OSBPL10: variants seen among roughly 807,000 people sequenced by gnomAD.
The protein encoded by OSBPL10 is oxysterol-binding protein-related protein 10.
A neutral mutation model predicts 81.7 loss-of-function variants in OSBPL10; 49 were observed. The ratio of observed to expected loss-of-function variants is 0.60; its 90% CI spans 0.48 to 0.76. OSBPL10 has a LOEUF of 0.76. Ranked by LOEUF, OSBPL10 falls within the 30% of genes least tolerant of loss-of-function variation. The probability of loss-of-function intolerance (pLI) is 0.00; values close to 1 mark genes in which losing one functional copy is unlikely to be tolerated. For synonymous variants in OSBPL10, 419 were observed against 383.6 expected (o/e 1.09, Z -1.08); for missense variants, 923 against 987.8 (o/e 0.93, Z 0.88).
chr3:31,946,911 C>A (rs1393549724), intron 1 of OSBPL10, among the ~76,000 whole-genome samples: 6 of 152,122 alleles, frequency 3.9e-5, no homozygotes, highest in Non-Finnish European at 5.9e-5. Context: ...GGAGTCCAGA[C>A]CAGATGCAAG....
intron 4 of OSBPL10, among the ~76,000 whole-genome samples, chr3:31,825,406 C>G (rs1249999063): frequency 1.3e-5 from 2 of 152,096 alleles, no homozygotes; most frequent in Admixed American, 1.3e-4. Flanking sequence ...ATTGCAACTT[C>G]AAACACCTGG....
At chr3:31,780,242 G>A (rs904615067) in intron 4 of OSBPL10, among the ~76,000 whole-genome samples, 5 of 152,052 alleles carry the variant, frequency 3.3e-5, no homozygotes, top group African/African-American at 9.7e-5. Flanking sequence ...GCAGTGAGCC[G>A]AGATCACGCC....
chr3:31,756,994 G>C (rs142430917), intron 4 of OSBPL10, among the ~76,000 whole-genome samples: 23 of 152,308 alleles, frequency 1.5e-4, no homozygotes, highest in African/African-American at 5.3e-4. Flanking sequence ...GTAGCAAGGA[G>C]ATGCTGTAAC....
At chr3:31,708,659 C>T in intron 6 of OSBPL10, 1 of 911,110 alleles carries the variant, frequency 1.1e-6, no homozygotes, top group Non-Finnish European at 1.3e-6. Flanking sequence ...CCTGAGGACA[C>T]AGAGATAGAA....
intron 5 of OSBPL10, among the ~76,000 whole-genome samples, chr3:31,735,465 C>G (rs1697123226): frequency 6.6e-6 from 1 of 152,150 alleles, no homozygotes. Flanking sequence ...ATAAAGGTCC[C>G]AAGTGGCTTA....
chr3:31,772,528 C>G (rs1698411730), intron 4 of OSBPL10, among the ~76,000 whole-genome samples: 1 of 152,194 alleles, frequency 6.6e-6, no homozygotes, highest in Non-Finnish European at 1.5e-5. Context: ...AGCCGTTTGC[C>G]TGAGGCCACA....
At chr3:31,894,925 T>A (rs767112899) in intron 1 of OSBPL10, among the ~76,000 whole-genome samples, 1 of 152,178 alleles carries the variant, frequency 6.6e-6, no homozygotes, top group Non-Finnish European at 1.5e-5. Flanking sequence ...TGCTGTCGTA[T>A]TACCTTCCCT....
At chr3:31,832,519 A>C (rs1288928337) in intron 3 of OSBPL10, among the ~76,000 whole-genome samples, 1 of 152,214 alleles carries the variant, frequency 6.6e-6, no homozygotes, top group Non-Finnish European at 1.5e-5. Flanking sequence ...TGCCTAGGAA[A>C]ATATCTACTG....
chr3:32,069,599 T>C (rs1699810775), intron 1 of OSBPL10, among the ~76,000 whole-genome samples: 2 of 152,220 alleles, frequency 1.3e-5, no homozygotes, highest in Admixed American at 6.5e-5. Context: ...ATTCTTAACA[T>C]GCATTTTATC....
chr3:31,871,707 C>CA (rs1166627108), intron 3 of OSBPL10, among the ~76,000 whole-genome samples: 3 of 152,176 alleles, frequency 2.0e-5, no homozygotes, highest in South Asian at 2.1e-4. Flanking sequence ...CCTGTTTCTA[C>CA]AAAAAATTAG....
intron 3 of OSBPL10, among the ~76,000 whole-genome samples, chr3:31,847,649 TGA>T (rs1022811019): frequency 6.6e-6 from 1 of 152,032 alleles, no homozygotes; most frequent in Non-Finnish European, 1.5e-5. Context: ...CACTCAACAC[TGA>T]GAGAGAGAAT....
intron 7 of OSBPL10, among the ~76,000 whole-genome samples, chr3:31,690,252 A>G (rs942607050): frequency 1.3e-5 from 2 of 151,864 alleles, no homozygotes; most frequent in African/African-American, 4.8e-5. Context: ...AAAAGTATAT[A>G]ACACCTCCCC....
intron 4 of OSBPL10, among the ~76,000 whole-genome samples, chr3:31,775,943 G>C (rs2125758431): frequency 6.6e-6 from 1 of 152,228 alleles, no homozygotes; most frequent in South Asian, 2.1e-4. Context: ...GATGCAATAT[G>C]AATTCCAAGG....
At chr3:31,914,317 A>T (rs11924761) in intron 1 of OSBPL10, among the ~76,000 whole-genome samples, 56,838 of 151,724 alleles carry the variant, frequency 0.37, 10,644 homozygotes, top group African/African-American at 0.42. Flanking sequence ...TGAATAAAAG[A>T]GTGCTATCGC....
chr3:31,822,432 T>C (rs913349387), intron 4 of OSBPL10, among the ~76,000 whole-genome samples: 6 of 152,224 alleles, frequency 3.9e-5, no homozygotes, highest in African/African-American at 1.4e-4. Flanking sequence ...GTGTTGTTTT[T>C]TAAGTCTCAA....
At chr3:32,012,623 C>T (rs1699272620) in intron 2 of OSBPL10, among the ~76,000 whole-genome samples, 1 of 152,160 alleles carries the variant, frequency 6.6e-6, no homozygotes, top group African/African-American at 2.4e-5. Context: ...GGGCTAAATG[C>T]TCCAATTAAA....
intron 4 of OSBPL10, among the ~76,000 whole-genome samples, chr3:31,764,635 C>T (rs1698145628): frequency 6.6e-6 from 1 of 152,194 alleles, no homozygotes; most frequent in African/African-American, 2.4e-5. Flanking sequence ...TACTTTCACT[C>T]AAGGAATAAA....
chr3:31,830,335 CT>C (rs1281231170), intron 3 of OSBPL10, 104 bp from the exon 4 acceptor site: 1 of 1,176,140 alleles, frequency 8.5e-7, no homozygotes, highest in Non-Finnish European at 1.2e-6. Context: ...CCCTTCCTCT[CT>C]TTAGGGAGCT....
chr3:31,669,935 G>A (rs1045742292), intron 9 of OSBPL10, among the ~76,000 whole-genome samples: 3 of 152,210 alleles, frequency 2.0e-5, no homozygotes, highest in African/African-American at 7.2e-5. Context: ...ATTGCACACA[G>A]TGGAAAGATA....
Sources: allele counts gnomAD v4.1 joint callset (sites outside exome capture counted in the v4.1 genomes callset), GRCh38; gene constraint gnomAD v4.1.1; transcripts MANE v1.5; gene names NCBI Gene and HGNC (gene_info 2026-07-23, HGNC 2026-07-21).